The following SERPINB13 variants were observed in gnomAD, a reference collection of about 807,000 sequenced individuals.
SERPINB13 encodes serpin B13.
SERPINB13 carries 26 observed loss-of-function variants against 31.2 expected under a neutral mutation model. The ratio of observed to expected loss-of-function variants is 0.83; its 90% CI spans 0.61 to 1.15. The LOEUF (loss-of-function observed/expected upper bound fraction) is 1.15. Among genes scored for constraint, SERPINB13 ranks in the 50% most tolerant of loss-of-function variants. The pLI, the probability that SERPINB13 is intolerant of heterozygous loss-of-function variation, is 0.00. For missense variants in SERPINB13, 510 were observed against 469.4 expected (o/e 1.09, Z -0.80); for synonymous variants, 191 against 172.4 (o/e 1.11, Z -0.85).
At chr18:63,591,376 C>T (rs1007953200) in intron 3 of SERPINB13, among the ~76,000 whole-genome samples, 2 of 125,758 alleles carry the variant, frequency 1.6e-5, no homozygotes, top group Non-Finnish European at 3.8e-5. Context: ...GCCTTCCTTC[C>T]TTCCTTCCTT....
chr18:63,589,512 G>A (rs1490600374), intron 2 of SERPINB13, 144 bp from the exon 3 acceptor site: 23 of 984,996 alleles, frequency 2.3e-5, no homozygotes, highest in Non-Finnish European at 3.0e-5. Context: ...GGTAAACGCA[G>A]ACCTTTTTCT....
At chr18:63,594,192 C>T in intron 5 of SERPINB13, 163 bp from the exon 6 acceptor site, 1 of 1,526,286 alleles carries the variant, frequency 6.6e-7, no homozygotes. Flanking sequence ...AAATGAGAAC[C>T]TCCCCGTCGA....
In SERPINB13 at chr18:63,598,117, T is replaced by G. The variant is rs1393804517; in HGVS notation, c.*754T>G. 1.5e-4 allele frequency: 22 copies of G among 151,046 alleles called. No individual in the cohort carries two copies. Among genetic ancestry groups the G allele is most frequent in the African/African-American group, 5.3e-4 (22 of 41,284 alleles). The allele number at this position is 151,046 out of a possible 1,614,324, so 9.4% of individuals were successfully genotyped here. ...TTTCTCCATTTACATTTTTCTGGTTTTTTTTTTTTTTTGAGTGAGGTACGA... is the reference window on the plus strand; with the variant it reads ...TTTCTCCATTTACATTTTTCTGGTTGTTTTTTTTTTTTGAGTGAGGTACGA... On this transcript the variant is annotated 3_prime_UTR_variant, in exon 8 of 8. Coordinates refer to ENST00000344731, the MANE Select transcript of SERPINB13 (RefSeq NM_012397.4).
chr18:63,598,292 C>A lies in SERPINB13; in HGVS notation c.*929C>A, dbSNP rs1181491089. The A allele has an allele frequency of 6.6e-6, 1 of 152,078 alleles. No individual in the cohort carries two copies. Among genetic ancestry groups the A allele is most frequent in the African/African-American group, 2.4e-5 (1 of 41,422 alleles). The allele number at this position is 152,078 out of a possible 1,614,324, so 9.4% of individuals were successfully genotyped here. A position where few individuals can be genotyped will look rare whatever the true frequency, so the allele number is the denominator to read the frequency against. On this transcript the variant is annotated 3_prime_UTR_variant, in exon 8 of 8. Transcript: ENST00000344731. ...TATTTTTAACAGCTTTGTCAAACTA[C>A]AATTTACATGCCGTAAAATGTACAC...
At chr18:63,587,645 A>C (rs1911590643) in intron 1 of SERPINB13, among the ~76,000 whole-genome samples, 195 bp downstream of exon 1, 1 of 152,272 alleles carries the variant, frequency 6.6e-6, no homozygotes, top group Non-Finnish European at 1.5e-5. Flanking sequence ...TAACCTGTAA[A>C]GGATCTCTGC....
chr18:63,589,941 G>A (rs1012898523), intron 3 of SERPINB13: 52 of 812,984 alleles, frequency 6.4e-5, no homozygotes, highest in Non-Finnish European at 8.1e-5. Flanking sequence ...TAGGTGTAAT[G>A]GACAATACCG....
chr18:63,587,972 T>C (rs1911609046), intron 1 of SERPINB13, among the ~76,000 whole-genome samples: 2 of 152,156 alleles, frequency 1.3e-5, no homozygotes, highest in Non-Finnish European at 2.9e-5. Context: ...CAGAAAAGTA[T>C]AAAAAAGAAA....
At chr18:63,590,925 G>T (rs1468063993) in intron 3 of SERPINB13, among the ~76,000 whole-genome samples, 1 of 152,170 alleles carries the variant, frequency 6.6e-6, no homozygotes, top group Non-Finnish European at 1.5e-5. Context: ...GACTGGCTTG[G>T]CATGTACCCG....
At chr18:63,589,490 C>CACACACACACACACAT (rs202159249) in intron 2 of SERPINB13, among the ~76,000 whole-genome samples, 166 bp from the exon 3 acceptor site, 11 of 151,002 alleles carry the variant, frequency 7.3e-5, no homozygotes, top group African/African-American at 2.5e-4. Context: ...CACACACACA[C>CACACACACACACACAT]GAAAAATCAG....
chr18:63,588,766 C>T lies in SERPINB13; in HGVS notation c.99C>T (p.Gly33=), dbSNP rs765747972. ...GCAACATCTTCTTTTCCCCTGTGGG[C>T]ATCTTGACTGCAATTGGCATGGTCC... The part of the protein sequence containing the change: ...NDGNIFFSPV[G]ILTAIGMVLL... Residue 33 remains glycine (G), a synonymous_variant, in exon 2 of 8, where the codon GGC becomes GGT. Transcript: ENST00000344731. 1.2e-6 allele frequency: 2 copies of T among 1,614,138 alleles called. No homozygotes were observed. Among genetic ancestry groups the T allele is most frequent in the South Asian group, 1.1e-5 (1 of 91,068 alleles).
chr18:63,587,951 C>T (rs1270199915), intron 1 of SERPINB13, among the ~76,000 whole-genome samples: 3 of 152,146 alleles, frequency 2.0e-5, no homozygotes, highest in Non-Finnish European at 4.4e-5. Flanking sequence ...ATGTACAAGC[C>T]TAAAACAATA....
At position 63,589,509 on chromosome 18, in the gene SERPINB13, G is replaced by A. The variant is rs11872581; in HGVS notation, c.166-147G>A. The A allele has an allele frequency of 4.3e-3, 3,853 of 904,598 alleles. 76 individuals carry two copies. Among genetic ancestry groups the A allele is most frequent in the African/African-American group, 0.039 (2,143 of 55,068 alleles). 56.0% of individuals were successfully genotyped at this position (904,598 alleles called of 1,614,324 possible). On this transcript the variant is annotated intron_variant, in intron 2 of 7. Transcript: ENST00000344731. ...CACACACGAAAAATCAGAGGTAAAC[G>A]CAGACCTTTTTCTGATTTTGCAAGG...
chr18:63,590,035 C>A (rs1444052890), intron 3 of SERPINB13: 1 of 261,500 alleles, frequency 3.8e-6, no homozygotes, highest in East Asian at 7.5e-5. Context: ...AGACTTAGGT[C>A]CAAGTCCTGG....
chr18:63,593,441 G>A (rs991366462), intron 5 of SERPINB13, among the ~76,000 whole-genome samples: 8 of 152,032 alleles, frequency 5.3e-5, no homozygotes, highest in South Asian at 2.1e-4. Context: ...AAGACTTGTC[G>A]TTCCCATCCA....
At position 63,598,296 on chromosome 18, in the gene SERPINB13, T is replaced by A. The variant is rs1471308500; in HGVS notation, c.*933T>A. ...TTTAACAGCTTTGTCAAACTACAAT[T>A]TACATGCCGTAAAATGTACACACTG... On this transcript the variant is annotated 3_prime_UTR_variant, in exon 8 of 8. Transcript: ENST00000344731. The A allele has an allele frequency of 2.0e-5, 3 of 152,164 alleles. No homozygotes were observed. Among genetic ancestry groups the A allele is most frequent in the Non-Finnish European group, 2.9e-5 (2 of 68,004 alleles). 9.4% of individuals were successfully genotyped at this position (152,164 alleles called of 1,614,324 possible).
At chr18:63,594,764 G>A (rs1029747895) in intron 6 of SERPINB13, among the ~76,000 whole-genome samples, 6 of 152,022 alleles carry the variant, frequency 3.9e-5, no homozygotes, top group African/African-American at 1.4e-4. Flanking sequence ...GCTTGAACCC[G>A]GGAGGCAGAG....
chr18:63,592,746 C>G (rs1474293422), intron 4 of SERPINB13, 108 bp from the exon 5 acceptor site: 6 of 790,608 alleles, frequency 7.6e-6, no homozygotes, highest in Admixed American at 2.5e-5. Flanking sequence ...TAAAATTTCT[C>G]TTACTGTATT....
chr18:63,591,745 G>T (rs1483379064), intron 3 of SERPINB13, among the ~76,000 whole-genome samples: 5 of 151,686 alleles, frequency 3.3e-5, no homozygotes, highest in Admixed American at 3.3e-4. Context: ...AATATTTATT[G>T]TATTTATATG....
At chr18:63,596,135 A>G (rs1912153801) in intron 7 of SERPINB13, among the ~76,000 whole-genome samples, 1 of 152,176 alleles carries the variant, frequency 6.6e-6, no homozygotes. Flanking sequence ...AACGTAGCCT[A>G]GAAGGGGTCT....
Sources: allele counts gnomAD v4.1 joint callset (sites outside exome capture counted in the v4.1 genomes callset), GRCh38; gene constraint gnomAD v4.1.1; transcripts MANE v1.5; gene names NCBI Gene and HGNC (gene_info 2026-07-23, HGNC 2026-07-21).